Variants in SETD5 observed in about 807,000 individuals in gnomAD.
SETD5 encodes the protein histone-lysine N-methyltransferase SETD5.
A neutral mutation model predicts 153.3 loss-of-function variants in SETD5; 44 were observed. The ratio of observed to expected loss-of-function variants is 0.29; its 90% CI spans 0.23 to 0.37. The LOEUF (loss-of-function observed/expected upper bound fraction) is 0.37. Ranked by LOEUF, SETD5 falls within the 10% of genes least tolerant of loss-of-function variation. The pLI is 1.00. For missense variants in SETD5, 1,544 were observed against 1,768.0 expected, an observed-to-expected ratio of 0.87 and a Z score of 2.27; for synonymous variants, 716 against 645.2, an observed-to-expected ratio of 1.11 and a Z score of -1.66.
intron 1 of SETD5, among the ~76,000 whole-genome samples, chr3:9,413,338 T>C (rs1451958766): frequency 6.6e-6 from 1 of 152,202 alleles, no homozygotes; most frequent in African/African-American, 2.4e-5. Context: ...ATTAATGTAA[T>C]AGTGTGTTCA....
chr3:9,413,284 T>C (rs2036873059), intron 1 of SETD5, among the ~76,000 whole-genome samples: 1 of 152,212 alleles, frequency 6.6e-6, no homozygotes, highest in South Asian at 2.1e-4. Flanking sequence ...ATACAGATTC[T>C]GGAGAGCATT....
chr3:9,466,899 T>C (rs2044648161), intron 18 of SETD5, among the ~76,000 whole-genome samples: 1 of 151,934 alleles, frequency 6.6e-6, no homozygotes. Context: ...TGTAGTGGCA[T>C]ATACCTGTAG....
In SETD5 at chr3:9,435,882, A is replaced by G. The variant is rs1471141437; in HGVS notation, c.543A>G (p.Ala181=). The change falls in exon 7 of 23, where the codon GCA becomes GCG. Residue 181 remains alanine, a synonymous_variant. Coordinates refer to ENST00000402198, the MANE Select transcript of SETD5 (RefSeq NM_001080517.3). The part of the protein sequence containing the change: ...KRKKSPEKGR[A]APKTKKIKNS... ...AAAAGAGTCCAGAAAAGGGTCGTGC[A>G]GCACCAAAGACGAAGAAAATCAAGG... The G allele has an allele frequency of 1.3e-6, 2 of 1,590,678 alleles. No homozygotes were observed. The highest frequency in any genetic ancestry group is 1.3e-5 in the African/African-American group (1 of 74,400).
rs1484456272 is a variant in SETD5 at position 9,443,339 on chromosome 3, A to G, written c.1109A>G (p.His370Arg). The G allele has an allele frequency of 1.3e-6, 2 of 1,547,270 alleles. No homozygotes were observed. Among genetic ancestry groups the G allele is most frequent in the Non-Finnish European group, 8.7e-7 (1 of 1,147,402 alleles). Residue 370 changes from histidine (H) to arginine (R), a missense_variant, in exon 11 of 23, where the codon CAC becomes CGC. Transcript: ENST00000402198. ...VRHMIADGMI[H>R]LCIYAVSAIT... The stretch of plus-strand genomic sequence containing the variant: ...CACATGATTGCAGATGGGATGATTC[A>G]CCTGTGCATCTATGCTGTGTCTGCC...
intron 3 of SETD5, chr3:9,433,599 T>C (rs765314976): frequency 4.0e-5 from 49 of 1,236,146 alleles, no homozygotes; most frequent in Non-Finnish European, 5.2e-5. Flanking sequence ...ACCTTGTATC[T>C]CAGGTGCCTG....
chr3:9,461,773 A>G (rs895099245), intron 17 of SETD5, among the ~76,000 whole-genome samples: 5 of 152,194 alleles, frequency 3.3e-5, no homozygotes, highest in Non-Finnish European at 5.9e-5. Context: ...AACTAACTTC[A>G]TCACTTAACA....
rs531114973 is a variant in SETD5 at position 9,464,845 on chromosome 3, T to C, written c.2724+173T>C. On this transcript the variant is annotated intron_variant, in intron 18 of 22. Coordinates refer to ENST00000402198, the MANE Select transcript of SETD5 (RefSeq NM_001080517.3). ...GCCTGTTACCTGGTAGCCTCTCATCTTGGCAGCCCCTATGCTTCCCAAAAT... is the reference window on the plus strand; with the variant it reads ...GCCTGTTACCTGGTAGCCTCTCATCCTGGCAGCCCCTATGCTTCCCAAAAT... 76 of 991,516 alleles carry C rather than the reference T, an allele frequency of 7.7e-5. No homozygotes were observed. In the African/African-American group the frequency reaches 1.1e-3, roughly 14 times the overall value. The allele number at this position is 991,516 out of a possible 1,614,324, so 61.4% of individuals were successfully genotyped here. A position where few individuals can be genotyped will look rare whatever the true frequency, so the allele number is the denominator to read the frequency against.
intron 17 of SETD5, among the ~76,000 whole-genome samples, chr3:9,455,487 T>C (rs1219373633): frequency 2.0e-5 from 3 of 152,142 alleles, no homozygotes; most frequent in Admixed American, 2.0e-4. Flanking sequence ...TTACCACCTA[T>C]ATACCTCAGG....
intron 1 of SETD5, among the ~76,000 whole-genome samples, chr3:9,403,427 T>C (rs1381637266): frequency 6.6e-6 from 1 of 152,114 alleles, no homozygotes; most frequent in African/African-American, 2.4e-5. Context: ...TACAATGTGT[T>C]TATTTGGGTT....
intron 16 of SETD5, among the ~76,000 whole-genome samples, chr3:9,448,908 C>T (rs933135687): frequency 3.3e-5 from 5 of 152,164 alleles, no homozygotes; most frequent in African/African-American, 1.2e-4. Flanking sequence ...AGTGAGAGCA[C>T]ACAGCAGTGG....
intron 18 of SETD5, among the ~76,000 whole-genome samples, chr3:9,467,725 C>T (rs2044779071): frequency 6.6e-6 from 1 of 152,112 alleles, no homozygotes; most frequent in Non-Finnish European, 1.5e-5. Flanking sequence ...TTACATCTTT[C>T]CATTAAGCAC....
chr3:9,454,002 C>CT, intron 17 of SETD5, 134 bp downstream of exon 17: 1 of 1,068,698 alleles, frequency 9.4e-7, no homozygotes, highest in Non-Finnish European at 1.3e-6. Context: ...TCTGTCTTTA[C>CT]AGAGGAAGAG....
At chr3:9,404,549 T>C (rs2035359403) in intron 1 of SETD5, among the ~76,000 whole-genome samples, 1 of 152,214 alleles carries the variant, frequency 6.6e-6, no homozygotes, top group African/African-American at 2.4e-5. Flanking sequence ...TTATAATTTA[T>C]TCACATGGAT....
chr3:9,457,319 T>A (rs900071731), intron 17 of SETD5, among the ~76,000 whole-genome samples: 2 of 152,046 alleles, frequency 1.3e-5, no homozygotes, highest in African/African-American at 2.4e-5. Flanking sequence ...AAACCCCATC[T>A]CTACTAAAAA....
At chr3:9,453,043 TTTA>T (rs1299997756) in intron 16 of SETD5, among the ~76,000 whole-genome samples, 2 of 152,196 alleles carry the variant, frequency 1.3e-5, no homozygotes, top group African/African-American at 4.8e-5. Context: ...TTCTTGTCAG[TTTA>T]TTATTCTAAT....
In SETD5 at chr3:9,445,158, C is replaced by G. The variant is rs1392117921; in HGVS notation, c.1298C>G (p.Pro433Arg). Residue 433 changes from proline (P) to arginine (R), a missense_variant, in exon 12 of 23, where the codon CCC (proline) becomes CGC (arginine). By Grantham distance (103) the Pro-to-Arg change is moderately radical. Around this residue, in one of 9 missense-constraint regions of SETD5, gnomAD observed 782 missense variants for 787.2 expected, o/e 0.99. Coordinates refer to ENST00000402198, the MANE Select transcript of SETD5 (RefSeq NM_001080517.3). ...LPLLPPPPSLPTIGAETRRRK... is the reference protein window; with the variant it reads ...LPLLPPPPSLRTIGAETRRRK... ...CTCCTACCACCTCCTCCAAGCCTACCCACCATTGGAGCAGAGACTAGACGT... is the reference window on the plus strand; with the variant it reads ...CTCCTACCACCTCCTCCAAGCCTACGCACCATTGGAGCAGAGACTAGACGT... The G allele has an allele frequency of 6.2e-7, 1 of 1,613,924 alleles. No homozygotes were observed. The highest frequency in any genetic ancestry group is 1.7e-5 in the Admixed American group (1 of 60,004).
chr3:9,475,400 A>G, intron 22 of SETD5, 83 bp from the exon 23 acceptor site: 1 of 1,513,708 alleles, frequency 6.6e-7, no homozygotes, highest in Non-Finnish European at 8.8e-7. Flanking sequence ...TGAAGAAAAA[A>G]GAATGTAGGG....
intron 3 of SETD5, chr3:9,429,754 G>C (rs1380808499): frequency 2.0e-6 from 2 of 1,020,782 alleles, no homozygotes; most frequent in Non-Finnish European, 2.6e-6. Context: ...TAAGTTGTCC[G>C]AGATTCCCCC....
chr3:9,411,267 C>T (rs1344543224), intron 1 of SETD5, among the ~76,000 whole-genome samples: 1 of 152,062 alleles, frequency 6.6e-6, no homozygotes, highest in African/African-American at 2.4e-5. Context: ...ATGGTTTGCC[C>T]TTAGACCTGA....
Sources: allele counts gnomAD v4.1 joint callset (sites outside exome capture counted in the v4.1 genomes callset), GRCh38; gene constraint gnomAD v4.1.1; regional missense constraint gnomAD v4.1.1; transcripts MANE v1.5; gene names NCBI Gene and HGNC (gene_info 2026-07-23, HGNC 2026-07-21).